ZFPM2: variants seen among roughly 807,000 people sequenced by gnomAD.
ZFPM2 encodes the protein zinc finger protein, FOG family member 2.
ZFPM2 carries 20 observed loss-of-function variants against 98.6 expected under a neutral mutation model. That is an observed-to-expected ratio of 0.20 (90% CI 0.14 to 0.29). The LOEUF is 0.29. Among genes scored for constraint, ZFPM2 ranks in the 10% least tolerant of loss-of-function variants. ZFPM2 has a pLI of 1.00. For missense variants in ZFPM2, 1,310 were observed against 1,388.6 expected (o/e 0.94, Z 0.90); for synonymous variants, 518 against 502.7 (o/e 1.03, Z -0.41).
At chr8:105,511,840 A>G (rs1012550130) in intron 3 of ZFPM2, among the ~76,000 whole-genome samples, 7 of 152,132 alleles carry the variant, frequency 4.6e-5, no homozygotes, top group South Asian at 2.1e-4. Flanking sequence ...TCAAGAGTGA[A>G]CTTTCCTTAT....
At chr8:105,463,420 A>G (rs1213095092) in intron 3 of ZFPM2, among the ~76,000 whole-genome samples, 4 of 151,748 alleles carry the variant, frequency 2.6e-5, no homozygotes, top group Admixed American at 2.6e-4. Flanking sequence ...GTGTATATAT[A>G]TAACTTTTGT....
At chr8:105,654,060 C>T (rs1817236805) in intron 5 of ZFPM2, among the ~76,000 whole-genome samples, 1 of 151,572 alleles carries the variant, frequency 6.6e-6, no homozygotes, top group Admixed American at 6.6e-5. Flanking sequence ...GTAAAAATGT[C>T]CCCACCTGTA....
At chr8:105,686,053 T>C (rs575345829) in intron 5 of ZFPM2, among the ~76,000 whole-genome samples, 1 of 152,222 alleles carries the variant, frequency 6.6e-6, no homozygotes, top group African/African-American at 2.4e-5. Flanking sequence ...ACTATCCTAA[T>C]GATCATAATA....
intron 5 of ZFPM2, among the ~76,000 whole-genome samples, chr8:105,777,782 T>C (rs1450122948): frequency 6.6e-6 from 1 of 152,218 alleles, no homozygotes; most frequent in Non-Finnish European, 1.5e-5. Context: ...TAATCAACTC[T>C]AAATAAACAA....
At chr8:105,390,393 G>A (rs114126475) in intron 1 of ZFPM2, among the ~76,000 whole-genome samples, 1,942 of 152,278 alleles carry the variant, frequency 0.013, 29 homozygotes, top group African/African-American at 0.044. Flanking sequence ...GAAGACATAC[G>A]TAGGGCAAGG....
intron 3 of ZFPM2, among the ~76,000 whole-genome samples, chr8:105,530,227 T>C (rs1173418026): frequency 6.6e-6 from 1 of 152,108 alleles, no homozygotes; most frequent in African/African-American, 2.4e-5. Flanking sequence ...TAAAAGCCAT[T>C]GTTATCCCAT....
At chr8:105,470,824 A>C (rs1467089102) in intron 3 of ZFPM2, among the ~76,000 whole-genome samples, 1 of 151,672 alleles carries the variant, frequency 6.6e-6, no homozygotes, top group Non-Finnish European at 1.5e-5. Flanking sequence ...TTCATTGATG[A>C]TATTAGTTAT....
intron 4 of ZFPM2, among the ~76,000 whole-genome samples, chr8:105,562,021 G>A (rs1388390689): frequency 2.0e-5 from 3 of 151,972 alleles, no homozygotes; most frequent in African/African-American, 4.8e-5. Flanking sequence ...TAAAAGTAAT[G>A]GAGGCTGGGC....
At chr8:105,565,663 G>A (rs1436919660) in intron 4 of ZFPM2, among the ~76,000 whole-genome samples, 1 of 152,162 alleles carries the variant, frequency 6.6e-6, no homozygotes, top group Non-Finnish European at 1.5e-5. Flanking sequence ...GACTAAATGA[G>A]ATAGCATATG....
chr8:105,510,197 ATATCTAAATAGATGGTTCTGGAGAC>A (rs943454835), intron 3 of ZFPM2, among the ~76,000 whole-genome samples: 6 of 152,152 alleles, frequency 3.9e-5, no homozygotes, highest in Non-Finnish European at 8.8e-5. Context: ...ACAGCCTTGT[ATATCTAAATAGATGGTTCTGGAGAC>A]TGTTAAAGAG....
At chr8:105,701,432 A>G (rs1446846261) in intron 5 of ZFPM2, among the ~76,000 whole-genome samples, 1 of 152,236 alleles carries the variant, frequency 6.6e-6, no homozygotes, top group East Asian at 1.9e-4. Context: ...TATGTAATAT[A>G]CAACCTATTT....
chr8:105,351,699 A>G (rs916704901), intron 1 of ZFPM2, among the ~76,000 whole-genome samples: 1 of 152,144 alleles, frequency 6.6e-6, no homozygotes, highest in African/African-American at 2.4e-5. Context: ...AAAAGTGTAA[A>G]TGATGAAATC....
chr8:105,330,593 T>G (rs866792277), intron 1 of ZFPM2, among the ~76,000 whole-genome samples: 1 of 40,416 alleles, frequency 2.5e-5, no homozygotes, highest in Non-Finnish European at 4.5e-5. Flanking sequence ...TATATATATA[T>G]ACATATATAT....
At chr8:105,799,046 T>C (rs1813922317) in intron 7 of ZFPM2, 98 bp downstream of exon 7, 6 of 1,109,956 alleles carry the variant, frequency 5.4e-6, no homozygotes, top group Non-Finnish European at 5.1e-6. Context: ...TGTCTATCTG[T>C]AGCTATCTAT....
intron 5 of ZFPM2, among the ~76,000 whole-genome samples, chr8:105,786,069 A>AT (rs1813407954): frequency 2.0e-5 from 3 of 148,916 alleles, no homozygotes; most frequent in African/African-American, 7.6e-5. Context: ...AAAAAAAAAA[A>AT]ATTAGCCAAG....
intron 3 of ZFPM2, among the ~76,000 whole-genome samples, chr8:105,509,397 C>T (rs1030229684): frequency 1.3e-5 from 2 of 152,098 alleles, no homozygotes; most frequent in East Asian, 1.9e-4. Context: ...GTGCTCAGAT[C>T]GGTAGCTGTT....
intron 2 of ZFPM2, among the ~76,000 whole-genome samples, chr8:105,425,396 T>G (rs1369281377): frequency 6.6e-6 from 1 of 152,212 alleles, no homozygotes; most frequent in Non-Finnish European, 1.5e-5. Flanking sequence ...AAGGGCTTGA[T>G]GAGACTCCAT....
At chr8:105,604,682 T>C (rs1816160928) in intron 4 of ZFPM2, among the ~76,000 whole-genome samples, 1 of 152,062 alleles carries the variant, frequency 6.6e-6, no homozygotes, top group Admixed American at 6.6e-5. Flanking sequence ...ACATTTCACC[T>C]ACAGACCTTC....
intron 5 of ZFPM2, among the ~76,000 whole-genome samples, chr8:105,712,023 A>G (rs569661166): frequency 6.6e-6 from 1 of 152,216 alleles, no homozygotes; most frequent in Admixed American, 6.6e-5. Flanking sequence ...TAATTCAGCA[A>G]CAATAAATAT....
Sources: gnomAD v4.1 joint callset for allele counts (sites outside exome capture counted in the v4.1 genomes callset) on GRCh38, gnomAD v4.1.1 for gene constraint, MANE v1.5 for transcripts, NCBI Gene and HGNC (gene_info 2026-07-23, HGNC 2026-07-21) for gene names.